Variants in ANKRD44 observed in about 807,000 individuals in gnomAD.
ANKRD44 encodes serine/threonine-protein phosphatase 6 regulatory ankyrin repeat subunit B.
A neutral mutation model predicts 116.0 loss-of-function variants in ANKRD44; 35 were observed. The observed-to-expected ratio is 0.30, with a 90% CI of 0.23 to 0.40. The LOEUF (loss-of-function observed/expected upper bound fraction) is 0.40. Ranked by LOEUF, ANKRD44 falls within the 10% of genes least tolerant of loss-of-function variation. ANKRD44 has a pLI of 1.00. For missense variants in ANKRD44, 1,014 were observed against 1,242.6 expected, an observed-to-expected ratio of 0.82 and a Z score of 2.77; for synonymous variants, 435 against 461.8, an observed-to-expected ratio of 0.94 and a Z score of 0.74.
chr2:196,974,193 C>T (rs747606208), intron 21 of ANKRD44, among the ~76,000 whole-genome samples: 7 of 152,048 alleles, frequency 4.6e-5, no homozygotes, highest in Non-Finnish European at 8.8e-5. Context: ...AGCAATCCTC[C>T]CTGCTCAGCC....
chr2:197,274,713 C>A (rs2083023147), intron 1 of ANKRD44, among the ~76,000 whole-genome samples: 2 of 152,150 alleles, frequency 1.3e-5, no homozygotes, highest in Non-Finnish European at 2.9e-5. Flanking sequence ...GAGAACCCAA[C>A]CTGCACCAAA....
At chr2:197,112,138 C>T in intron 8 of ANKRD44, among the ~76,000 whole-genome samples, 1 of 152,012 alleles carries the variant, frequency 6.6e-6, no homozygotes, top group East Asian at 1.9e-4. Context: ...AAAGTATCCC[C>T]AATAGAGAGA....
chr2:197,056,741 T>C (rs557899254), intron 16 of ANKRD44, among the ~76,000 whole-genome samples: 8 of 152,336 alleles, frequency 5.3e-5, no homozygotes, highest in African/African-American at 1.7e-4. Flanking sequence ...TGCTGGTATA[T>C]AAAATATAGT....
At chr2:196,996,173 C>G (rs1023260204) in intron 25 of ANKRD44, among the ~76,000 whole-genome samples, 2 of 152,212 alleles carry the variant, frequency 1.3e-5, no homozygotes, top group Admixed American at 6.5e-5. Flanking sequence ...GGAGTTAGAA[C>G]TGCTGAATCT....
chr2:197,251,815 A>T (rs1039978261), intron 1 of ANKRD44, among the ~76,000 whole-genome samples: 173 of 152,338 alleles, frequency 1.1e-3, no homozygotes, highest in African/African-American at 4.0e-3. Flanking sequence ...TTGTTTCCTC[A>T]ACCTCCTAAA....
chr2:197,169,972 T>C (rs1174924685), intron 2 of ANKRD44, among the ~76,000 whole-genome samples: 1 of 152,046 alleles, frequency 6.6e-6, no homozygotes, highest in Non-Finnish European at 1.5e-5. Flanking sequence ...GATGGATCTC[T>C]TGAGTCCAGG....
intron 2 of ANKRD44, among the ~76,000 whole-genome samples, chr2:197,178,300 G>A (rs2080417096): frequency 6.7e-6 from 1 of 148,210 alleles, no homozygotes; most frequent in Non-Finnish European, 1.5e-5. Context: ...GCGAGAACTT[G>A]TCTCTACAAA....
At chr2:197,170,326 A>C (rs937005887) in intron 2 of ANKRD44, among the ~76,000 whole-genome samples, 1 of 152,216 alleles carries the variant, frequency 6.6e-6, no homozygotes, top group Non-Finnish European at 1.5e-5. Flanking sequence ...GTTACCTTGT[A>C]AATCACTAAA....
At chr2:197,103,227 C>CAAAA (rs59073157) in intron 9 of ANKRD44, among the ~76,000 whole-genome samples, 27 of 102,976 alleles carry the variant, frequency 2.6e-4, no homozygotes, top group African/African-American at 7.9e-4. Context: ...GACTCCATCT[C>CAAAA]AAAAAAAAAA....
chr2:197,169,237 A>G (rs748189741), intron 2 of ANKRD44, among the ~76,000 whole-genome samples: 17 of 151,874 alleles, frequency 1.1e-4, no homozygotes, highest in Non-Finnish European at 2.2e-4. Flanking sequence ...ATGGCCCCCA[A>G]TTTCTCATGG....
At chr2:197,151,548 T>A (rs549582878) in intron 2 of ANKRD44, among the ~76,000 whole-genome samples, 5 of 151,662 alleles carry the variant, frequency 3.3e-5, no homozygotes, top group African/African-American at 9.7e-5. Context: ...CTAAGAGGGA[T>A]CAAACTCAAA....
intron 18 of ANKRD44, among the ~76,000 whole-genome samples, chr2:197,010,946 T>C (rs2076288534): frequency 6.6e-6 from 1 of 152,256 alleles, no homozygotes; most frequent in Non-Finnish European, 1.5e-5. Context: ...CTTGCATTCA[T>C]CAACAGCACT....
Position 196,987,840 on chromosome 2 carries a change from AT to A in ANKRD44, c.*1750del, listed in dbSNP as rs58942301. On this transcript the variant is annotated 3_prime_UTR_variant, in exon 28 of 28. Coordinates refer to ENST00000282272, the MANE Select transcript of ANKRD44 (RefSeq NM_001195144.2). ...GCAACTAAGACTCAGTTAAAAACAC[AT>A]TTTTTTTTCTTAGAAAGCTATGGTG... The A allele has an allele frequency of 3.1e-5, 30 of 980,646 alleles. No individual in the cohort carries two copies. In the East Asian group the frequency reaches 1.1e-3, roughly 37 times the overall value. 60.7% of individuals were successfully genotyped at this position (980,646 alleles called of 1,614,324 possible).
At chr2:197,308,172 CAAA>C (rs765233263) in intron 1 of ANKRD44, among the ~76,000 whole-genome samples, 1 of 63,030 alleles carries the variant, frequency 1.6e-5, no homozygotes, top group Non-Finnish European at 3.6e-5. Flanking sequence ...CACACACACA[CAAA>C]AAAAAAAAAG....
chr2:197,175,752 A>C (rs1185779305), intron 2 of ANKRD44, among the ~76,000 whole-genome samples: 2 of 152,208 alleles, frequency 1.3e-5, no homozygotes, highest in East Asian at 3.8e-4. Context: ...AGTATTTTAA[A>C]AATATTTGGT....
chr2:197,232,688 C>T (rs2125769807), intron 1 of ANKRD44, among the ~76,000 whole-genome samples: 1 of 152,224 alleles, frequency 6.6e-6, no homozygotes, highest in South Asian at 2.1e-4. Flanking sequence ...CCCATCCCTC[C>T]TAGAAAAAAG....
intron 2 of ANKRD44, among the ~76,000 whole-genome samples, chr2:197,147,702 C>T (rs2079540555): frequency 6.6e-6 from 1 of 151,874 alleles, no homozygotes; most frequent in South Asian, 2.1e-4. Flanking sequence ...CCTCATGAAA[C>T]TCACATTCAA....
At chr2:196,985,138 C>T (rs2075828017), downstream of ANKRD44, among the ~76,000 whole-genome samples, 1 of 152,188 alleles carries the variant, frequency 6.6e-6, no homozygotes, top group Non-Finnish European at 1.5e-5. Flanking sequence ...CAGCCAACAG[C>T]CATCAAGGAA....
chr2:196,967,458 T>C lies in ANKRD44; in HGVS notation c.2369-12A>G, dbSNP rs190732342. On this transcript the variant is annotated splice_polypyrimidine_tract_variant and intron_variant, in intron 21 of 21. Coordinates refer to the ANKRD44 transcript ENST00000424317. ...GAATGGTTAACAGCCTGAGTTGCCA[T>C]TTAAAAAAAGAAAAGAAAAGAAAAA... The C allele has an allele frequency of 7.0e-4, 324 of 465,570 alleles. 3 individuals carry two copies. Among genetic ancestry groups the C allele is most frequent in the South Asian group, 4.0e-3 (258 of 64,212 alleles). 28.8% of individuals were successfully genotyped at this position (465,570 alleles called of 1,614,324 possible).
Sources: allele counts gnomAD v4.1 joint callset (sites outside exome capture counted in the v4.1 genomes callset), GRCh38; gene constraint gnomAD v4.1.1; transcripts MANE v1.5; gene names NCBI Gene and HGNC (gene_info 2026-07-23, HGNC 2026-07-21).